ASAP1: variants seen among roughly 807,000 people sequenced by gnomAD.
ASAP1 encodes the protein arf-GAP with SH3 domain, ANK repeat and PH domain-containing protein 1.
Under a neutral mutation model 145.2 loss-of-function variants are expected in ASAP1, and 43 were observed. The ratio of observed to expected loss-of-function variants is 0.30; its 90% CI spans 0.23 to 0.38. The LOEUF is 0.38. Ranked by LOEUF, ASAP1 falls within the 10% of genes least tolerant of loss-of-function variation. The pLI is 1.00. For synonymous variants in ASAP1, 546 were observed against 515.5 expected, an observed-to-expected ratio of 1.06 and a Z score of -0.80; for missense variants, 1,018 against 1,355.3, an observed-to-expected ratio of 0.75 and a Z score of 3.91.
chr8:130,201,224 A>G (rs1440921240), intron 5 of ASAP1, among the ~76,000 whole-genome samples: 2 of 152,248 alleles, frequency 1.3e-5, no homozygotes, highest in African/African-American at 4.8e-5. Flanking sequence ...ACTTACAGCC[A>G]GAGAGCAGAA....
chr8:130,325,874 T>C (rs955579553), intron 3 of ASAP1, among the ~76,000 whole-genome samples: 2 of 152,164 alleles, frequency 1.3e-5, no homozygotes, highest in African/African-American at 4.8e-5. Flanking sequence ...GTAACAGTAA[T>C]CACAAGCTTT....
chr8:130,279,968 C>T (rs921633566), intron 3 of ASAP1, among the ~76,000 whole-genome samples: 3 of 152,304 alleles, frequency 2.0e-5, no homozygotes, highest in African/African-American at 7.2e-5. Flanking sequence ...AGGTTAGAAA[C>T]CTGAGTCTGT....
Position 130,112,204 on chromosome 8 carries a change from C to T in ASAP1, c.2291G>A (p.Arg764Gln), listed in dbSNP as rs774096816. ...PGFSTPRDKQRLSYGAFTNQI... is the reference protein window; with the variant it reads ...PGFSTPRDKQQLSYGAFTNQI... ...GTTGGTGAAGGCTCCATAGGAGAGC[C>T]GCTGTTTGTCCCTTGGAGTGCTGAA... The change falls in exon 24 of 30, where the codon CGG (arginine) becomes CAG (glutamine). Residue 764 changes from arginine to glutamine, a missense_variant. This residue lies in a region of ASAP1 where 353 missense variants were observed against 375.4 expected (regional missense o/e 0.94). Coordinates refer to ENST00000518721, the MANE Select transcript of ASAP1 (RefSeq NM_018482.4). 3.1e-6 allele frequency: 5 copies of T among 1,614,130 alleles called. No homozygotes were observed. Among genetic ancestry groups the T allele is most frequent in the Admixed American group, 1.7e-5 (1 of 60,024 alleles).
In ASAP1 at chr8:130,054,682, C is replaced by T. The variant is rs11781294; in HGVS notation, c.*49G>A. On this transcript the variant is annotated 3_prime_UTR_variant, in exon 30 of 30. Coordinates refer to ENST00000518721, the MANE Select transcript of ASAP1 (RefSeq NM_018482.4). The stretch of plus-strand genomic sequence containing the variant: ...CACTGTGCCCAGGGTTACATGAAGG[C>T]AGCAGTCTTGCATGAAGGATGTGGA... 5.9e-6 allele frequency: 9 copies of T among 1,516,524 alleles called. No individual in the cohort carries two copies. Among genetic ancestry groups the T allele is most frequent in the Admixed American group, 1.7e-5 (1 of 59,774 alleles). The allele number at this position is 1,516,524 out of a possible 1,614,324, so 93.9% of individuals were successfully genotyped here. A position where few individuals can be genotyped will look rare whatever the true frequency, so the allele number is the denominator to read the frequency against.
chr8:130,306,843 A>G (rs1426712476), intron 3 of ASAP1, among the ~76,000 whole-genome samples: 2 of 152,168 alleles, frequency 1.3e-5, no homozygotes, highest in Non-Finnish European at 2.9e-5. Context: ...TTTCTCCTCC[A>G]ATTAAAAATT....
intron 23 of ASAP1, 54 bp downstream of exon 23, chr8:130,115,574 G>GACT (rs1564975907): frequency 7.3e-7 from 1 of 1,368,976 alleles, no homozygotes; most frequent in African/African-American, 1.4e-5. Flanking sequence ...TGTCTACACA[G>GACT]ACTAGAAAAG....
chr8:130,382,377 G>A (rs577458957), intron 2 of ASAP1, among the ~76,000 whole-genome samples: 2 of 150,148 alleles, frequency 1.3e-5, no homozygotes, highest in Admixed American at 6.6e-5. Context: ...CACTGTCCCC[G>A]AATCTCCAGC....
intron 7 of ASAP1, among the ~76,000 whole-genome samples, chr8:130,185,271 A>G (rs1220229510): frequency 6.6e-6 from 1 of 152,206 alleles, no homozygotes; most frequent in Non-Finnish European, 1.5e-5. Flanking sequence ...GAGGCACTCA[A>G]CTTGCTATTC....
chr8:130,261,243 A>G (rs1819878153), intron 3 of ASAP1, among the ~76,000 whole-genome samples: 1 of 152,220 alleles, frequency 6.6e-6, no homozygotes, highest in Non-Finnish European at 1.5e-5. Flanking sequence ...ACATGACATC[A>G]TAGCCCCTAA....
intron 5 of ASAP1, among the ~76,000 whole-genome samples, chr8:130,188,723 C>CAAAAAAAAAAAAAA (rs370580190): frequency 3.6e-5 from 3 of 83,842 alleles, no homozygotes; most frequent in Non-Finnish European, 6.7e-5. Context: ...GAGACTCTCT[C>CAAAAAAAAAAAAAA]AAAAAAAAAA....
chr8:130,107,703 A>C (rs892283320), intron 24 of ASAP1, among the ~76,000 whole-genome samples: 1 of 151,600 alleles, frequency 6.6e-6, no homozygotes, highest in African/African-American at 2.4e-5. Flanking sequence ...ACGGGCCACC[A>C]AGCCTGGTTA....
intron 15 of ASAP1, among the ~76,000 whole-genome samples, chr8:130,133,037 G>A (rs1194037406): frequency 6.6e-6 from 1 of 152,100 alleles, no homozygotes; most frequent in Non-Finnish European, 1.5e-5. Context: ...GAATTCTGTG[G>A]CTCTCCAGAA....
chr8:130,072,830 C>CGCGCGCGCGCACGCGCG (rs1448184178), intron 27 of ASAP1, among the ~76,000 whole-genome samples: 1,309 of 30,908 alleles, frequency 0.042, 36 homozygotes, highest in East Asian at 0.19. Flanking sequence ...TGTGTGCGCG[C>CGCGCGCGCGCACGCGCG]GGGGGGGGGC....
At chr8:130,086,428 A>C (rs1323601958) in intron 25 of ASAP1, among the ~76,000 whole-genome samples, 1 of 152,216 alleles carries the variant, frequency 6.6e-6, no homozygotes, top group African/African-American at 2.4e-5. Flanking sequence ...CTTATAAAAT[A>C]TTACGTACGT....
chr8:130,094,210 G>A (rs1311420273), intron 24 of ASAP1, among the ~76,000 whole-genome samples: 2 of 151,916 alleles, frequency 1.3e-5, no homozygotes, highest in East Asian at 1.9e-4. Context: ...TAGGTTTATC[G>A]TTAAAAAAAA....
At chr8:130,391,347 G>T (rs899521801) in intron 2 of ASAP1, among the ~76,000 whole-genome samples, 1 of 152,320 alleles carries the variant, frequency 6.6e-6, no homozygotes, top group East Asian at 1.9e-4. Context: ...AAGAATTCTG[G>T]AGATGGATTT....
intron 25 of ASAP1, among the ~76,000 whole-genome samples, chr8:130,082,124 T>C (rs927847633): frequency 6.6e-6 from 1 of 152,136 alleles, no homozygotes; most frequent in Non-Finnish European, 1.5e-5. Flanking sequence ...GCTGGCAGGG[T>C]GCTCACCTCC....
At chr8:130,176,092 T>C (rs939838480) in intron 9 of ASAP1, among the ~76,000 whole-genome samples, 2 of 152,142 alleles carry the variant, frequency 1.3e-5, no homozygotes, top group African/African-American at 4.8e-5. Context: ...CTGAAATGAG[T>C]TGGAAACAGT....
At chr8:130,258,925 A>G (rs952852976) in intron 3 of ASAP1, among the ~76,000 whole-genome samples, 24 of 152,120 alleles carry the variant, frequency 1.6e-4, no homozygotes, top group African/African-American at 4.6e-4. Flanking sequence ...CTCCTCCCCA[A>G]TTTTGGGGCA....
Sources: allele counts gnomAD v4.1 joint callset (sites outside exome capture counted in the v4.1 genomes callset), GRCh38; gene constraint gnomAD v4.1.1; regional missense constraint gnomAD v4.1.1; transcripts MANE v1.5; gene names NCBI Gene and HGNC (gene_info 2026-07-23, HGNC 2026-07-21).